The following CACNB4 variants were observed in gnomAD, a reference collection of about 807,000 sequenced individuals.
CACNB4 encodes the protein calcium voltage-gated channel auxiliary subunit beta 4.
Under a neutral mutation model 71.2 loss-of-function variants are expected in CACNB4, and 32 were observed. The ratio of observed to expected loss-of-function variants is 0.45; its 90% CI spans 0.34 to 0.60. CACNB4 has a LOEUF of 0.60. Among genes scored for constraint, CACNB4 ranks in the 20% least tolerant of loss-of-function variants. CACNB4 has a pLI of 0.01. For missense variants in CACNB4, 464 were observed against 647.9 expected (o/e 0.72, Z 3.08); for synonymous variants, 231 against 236.9 (o/e 0.97, Z 0.23).
At chr2:152,038,383 C>T (rs957087798) in intron 2 of CACNB4, among the ~76,000 whole-genome samples, 1 of 152,176 alleles carries the variant, frequency 6.6e-6, no homozygotes, top group Non-Finnish European at 1.5e-5. Flanking sequence ...TGTATATCCC[C>T]AATGCAGCTT....
intron 12 of CACNB4, among the ~76,000 whole-genome samples, chr2:151,844,792 G>C (rs999887583): frequency 6.6e-6 from 1 of 152,164 alleles, no homozygotes; most frequent in African/African-American, 2.4e-5. Context: ...CAGTCTTTCC[G>C]CCATTCCAGG....
chr2:151,938,454 G>A (rs997159139), intron 2 of CACNB4, among the ~76,000 whole-genome samples: 1 of 152,180 alleles, frequency 6.6e-6, no homozygotes, highest in African/African-American at 2.4e-5. Context: ...CCAGAGTAGT[G>A]TTGTATCTGG....
chr2:151,971,682 G>C, intron 2 of CACNB4: 1 of 693,280 alleles, frequency 1.4e-6, no homozygotes, highest in Non-Finnish European at 2.6e-6. Context: ...CACCATCTTG[G>C]GTAACACATC....
chr2:151,899,473 G>T (rs2099852858), intron 2 of CACNB4, among the ~76,000 whole-genome samples: 2 of 152,208 alleles, frequency 1.3e-5, no homozygotes, highest in Admixed American at 1.3e-4. Context: ...CTACAAGTTG[G>T]TACTCAACAT....
intron 2 of CACNB4, among the ~76,000 whole-genome samples, chr2:152,002,178 A>G (rs1220166116): frequency 2.0e-5 from 3 of 152,250 alleles, no homozygotes; most frequent in Non-Finnish European, 4.4e-5. Flanking sequence ...TCAGAGTTTC[A>G]GCAGTGGCTG....
At chr2:151,979,117 AGACC>A (rs1325593484) in intron 2 of CACNB4, among the ~76,000 whole-genome samples, 1 of 152,138 alleles carries the variant, frequency 6.6e-6, no homozygotes, top group Non-Finnish European at 1.5e-5. Flanking sequence ...ACTGCCCAGA[AGACC>A]GTCCTCATGA....
intron 2 of CACNB4, among the ~76,000 whole-genome samples, chr2:151,990,803 G>A (rs970751591): frequency 6.6e-6 from 1 of 152,162 alleles, no homozygotes; most frequent in Admixed American, 6.5e-5. Context: ...ATGTCTGTAG[G>A]CAGAGACTCT....
Position 151,916,953 on chromosome 2 carries a change from G to A in CACNB4, c.148-33583C>T, listed in dbSNP as rs182613697. Among the ~76,000 whole-genome samples the A allele has an allele frequency of 8.7e-4, 133 of 152,294 alleles. 3 individuals are homozygous for A. The Middle Eastern group carries it at 0.017, about 19-fold the overall frequency. Reference sequence around the variant, plus strand: ...CATTATCTAGTCGGAAATGTCAGCGGTGCCAAAGTTCAGACACTCTGGTAT... The same window carrying A: ...CATTATCTAGTCGGAAATGTCAGCGATGCCAAAGTTCAGACACTCTGGTAT... On this transcript the variant is annotated intron_variant, in intron 2 of 13. Transcript: ENST00000539935.
intron 2 of CACNB4, among the ~76,000 whole-genome samples, chr2:152,058,929 G>A (rs1389160931): frequency 1.3e-5 from 2 of 152,250 alleles, no homozygotes; most frequent in Non-Finnish European, 2.9e-5. Flanking sequence ...CACTCTAGCT[G>A]TGGCTAAAAG....
chr2:152,027,665 CA>C (rs1269396204), intron 2 of CACNB4, among the ~76,000 whole-genome samples: 1 of 151,942 alleles, frequency 6.6e-6, no homozygotes, highest in African/African-American at 2.4e-5. Flanking sequence ...CAGCCTGACC[CA>C]CACGGTGAAA....
intron 2 of CACNB4, among the ~76,000 whole-genome samples, chr2:151,955,444 CTA>C (rs2099868012): frequency 6.6e-6 from 1 of 152,172 alleles, no homozygotes; most frequent in African/African-American, 2.4e-5. Context: ...CTCTAGAGTC[CTA>C]TGTTTGCAGA....
intron 2 of CACNB4, among the ~76,000 whole-genome samples, chr2:152,000,135 C>T (rs1682316378): frequency 6.6e-6 from 1 of 152,190 alleles, no homozygotes; most frequent in African/African-American, 2.4e-5. Context: ...TTTGCATCAG[C>T]AAATTGAGTT....
At chr2:152,004,904 A>C (rs1490244479) in intron 2 of CACNB4, among the ~76,000 whole-genome samples, 1 of 152,170 alleles carries the variant, frequency 6.6e-6, no homozygotes, top group East Asian at 1.9e-4. Context: ...CTTAAGGAGC[A>C]CTGGGTAGTG....
At chr2:151,950,088 GAGAGGA>G (rs2099866553) in intron 2 of CACNB4, among the ~76,000 whole-genome samples, 1 of 151,848 alleles carries the variant, frequency 6.6e-6, no homozygotes, top group Non-Finnish European at 1.5e-5. Context: ...ATAGTCTTCT[GAGAGGA>G]AACCACCCCA....
intron 2 of CACNB4, among the ~76,000 whole-genome samples, chr2:151,904,723 C>G (rs76014763): frequency 6.6e-6 from 1 of 151,944 alleles, no homozygotes; most frequent in Non-Finnish European, 1.5e-5. Flanking sequence ...TTAGTAGAGA[C>G]GGGGTTTCAC....
intron 4 of CACNB4, chr2:151,879,649 T>A (rs1032437047): frequency 2.0e-5 from 3 of 152,216 alleles, no homozygotes; most frequent in Non-Finnish European, 2.9e-5. Context: ...CTAAAATGAT[T>A]AGCACTTTCT....
chr2:151,909,164 TCA>T (rs1483641637), intron 2 of CACNB4, among the ~76,000 whole-genome samples: 2 of 149,888 alleles, frequency 1.3e-5, no homozygotes, highest in Non-Finnish European at 3.0e-5. Context: ...GCACAGTGGC[TCA>T]CGCCTGTATT....
intron 2 of CACNB4, among the ~76,000 whole-genome samples, chr2:151,986,385 G>C (rs750707402): frequency 1.1e-4 from 16 of 152,186 alleles, no homozygotes; most frequent in Admixed American, 2.6e-4. Context: ...GCCTCTGTCT[G>C]TATTTTATGG....
intron 9 of CACNB4, chr2:151,861,872 C>T (rs1373341548): frequency 7.6e-6 from 1 of 131,882 alleles, no homozygotes; most frequent in Non-Finnish European, 1.6e-5. Flanking sequence ...AAGAATAAAG[C>T]AAAGACATTG....
Sources: gnomAD v4.1 joint callset for allele counts (sites outside exome capture counted in the v4.1 genomes callset) on GRCh38, gnomAD v4.1.1 for gene constraint, MANE v1.5 for transcripts, NCBI Gene and HGNC (gene_info 2026-07-23, HGNC 2026-07-21) for gene names.